PTPRD: variants seen among roughly 807,000 people sequenced by gnomAD.
PTPRD encodes protein tyrosine phosphatase receptor type D, also known as receptor-type tyrosine-protein phosphatase delta.
In PTPRD, 34 loss-of-function variants were observed where a neutral mutation model predicts 214.5. The observed-to-expected ratio is 0.16, with a 90% CI of 0.12 to 0.21. The LOEUF (loss-of-function observed/expected upper bound fraction) is 0.21, where lower values mean the gene tolerates loss of function less well. Ranked by LOEUF, PTPRD falls within the 10% of genes least tolerant of loss-of-function variation. The probability of loss-of-function intolerance (pLI) is 1.00; values close to 1 mark genes in which losing one functional copy is unlikely to be tolerated. For missense variants in PTPRD, 2,545 were observed against 2,398.7 expected (o/e 1.06, Z -1.27); for synonymous variants, 1,128 against 845.7 (o/e 1.33, Z -5.79).
chr9:8,628,876 T>C lies in PTPRD; in HGVS notation c.352+4441A>G, dbSNP rs117918512. 3.9e-3 allele frequency among the ~76,000 whole-genome samples: 592 copies of C among 151,914 alleles called. 29 individuals carry two copies. The East Asian group carries it at 0.1, about 26-fold the overall frequency. On this transcript the variant is annotated intron_variant, in intron 14 of 45. Transcript: ENST00000381196. ...ATGCCTCATATCTGGTAAACTAGCA[T>C]GTTTAGACAATAATTGTACTGTAGA...
chr9:8,793,669 C>G (rs1255433956), intron 11 of PTPRD, among the ~76,000 whole-genome samples: 1 of 151,998 alleles, frequency 6.6e-6, no homozygotes, highest in Admixed American at 6.6e-5. Context: ...AGAGGTTTGC[C>G]AAATAACCAT....
intron 9 of PTPRD, among the ~76,000 whole-genome samples, chr9:9,319,628 T>C (rs1426623515): frequency 6.6e-6 from 1 of 152,194 alleles, no homozygotes; most frequent in East Asian, 1.9e-4. Flanking sequence ...ACCAAGTGTA[T>C]AGTAGAATCT....
At chr9:8,950,390 A>G (rs1440257080) in intron 11 of PTPRD, among the ~76,000 whole-genome samples, 2 of 152,066 alleles carry the variant, frequency 1.3e-5, no homozygotes, top group Admixed American at 6.6e-5. Context: ...TTAGGAACAT[A>G]TGGAGAAGGG....
At chr9:9,694,834 A>C (rs372915892) in intron 7 of PTPRD, among the ~76,000 whole-genome samples, 1 of 152,030 alleles carries the variant, frequency 6.6e-6, no homozygotes, top group Admixed American at 6.5e-5. Flanking sequence ...GAACGCTACC[A>C]GGCCTAGGAC....
chr9:8,459,467 G>A (rs1302911338), intron 33 of PTPRD, among the ~76,000 whole-genome samples: 1 of 151,956 alleles, frequency 6.6e-6, no homozygotes, highest in East Asian at 1.9e-4. Context: ...TTTGAATTTA[G>A]TCATTTTAAA....
At chr9:10,445,397 T>C (rs1032796967) in intron 2 of PTPRD, among the ~76,000 whole-genome samples, 3 of 152,072 alleles carry the variant, frequency 2.0e-5, no homozygotes, top group Admixed American at 6.6e-5. Flanking sequence ...AATGAGGACA[T>C]GTCTGCAATA....
chr9:8,710,995 G>A lies in PTPRD; in HGVS notation c.64+22785C>T, dbSNP rs558218252. Reference sequence around the variant, plus strand: ...TGGGAAATTAATTTAAACTCCATGTGTTCTTATGTAATTAATGCTAGATGT... The same window carrying A: ...TGGGAAATTAATTTAAACTCCATGTATTCTTATGTAATTAATGCTAGATGT... On this transcript the variant is annotated intron_variant, in intron 12 of 45. Coordinates refer to ENST00000381196, the MANE Select transcript of PTPRD (RefSeq NM_002839.4). 3.9e-5 allele frequency among the ~76,000 whole-genome samples: 6 copies of A among 152,102 alleles called. 1 individual carries two copies. The South Asian group carries it at 1.0e-3, about 26-fold the overall frequency.
intron 3 of PTPRD, among the ~76,000 whole-genome samples, chr9:10,258,786 A>C (rs1373314613): frequency 6.6e-6 from 1 of 152,144 alleles, no homozygotes; most frequent in African/African-American, 2.4e-5. Context: ...CCTAAGGAAA[A>C]ACAAGTGGTT....
intron 2 of PTPRD, among the ~76,000 whole-genome samples, chr9:10,589,490 G>T (rs147924749): frequency 1.6e-4 from 25 of 152,156 alleles, no homozygotes; most frequent in African/African-American, 5.1e-4. Flanking sequence ...TTCAATAAAT[G>T]ACTAAGACAT....
chr9:8,783,234 G>T (rs2095808123), intron 11 of PTPRD, among the ~76,000 whole-genome samples: 1 of 152,134 alleles, frequency 6.6e-6, no homozygotes, highest in African/African-American at 2.4e-5. Context: ...ATATAAAAAA[G>T]TTGTACATTG....
intron 14 of PTPRD, among the ~76,000 whole-genome samples, chr9:8,540,909 G>A (rs1350544759): frequency 6.6e-6 from 1 of 152,106 alleles, no homozygotes; most frequent in Non-Finnish European, 1.5e-5. Flanking sequence ...AGTTTTAAAG[G>A]CAAACTGTGG....
intron 35 of PTPRD, among the ~76,000 whole-genome samples, chr9:8,421,040 C>T (rs1008599115): frequency 1.3e-5 from 2 of 152,062 alleles, no homozygotes; most frequent in African/African-American, 4.8e-5. Flanking sequence ...GAGGACCATG[C>T]CCATAAAGTT....
intron 2 of PTPRD, among the ~76,000 whole-genome samples, chr9:10,527,661 A>C (rs2054719027): frequency 6.6e-6 from 1 of 152,176 alleles, no homozygotes; most frequent in Non-Finnish European, 1.5e-5. Context: ...AATTCAATCA[A>C]CTTTAAGGAC....
At chr9:9,077,173 A>G (rs1365097016) in intron 10 of PTPRD, among the ~76,000 whole-genome samples, 3 of 138,518 alleles carry the variant, frequency 2.2e-5, no homozygotes, top group Admixed American at 7.4e-5. Flanking sequence ...TTTTTTCTGT[A>G]GAGTTGGTTG....
At chr9:9,486,066 G>C (rs908909967) in intron 8 of PTPRD, among the ~76,000 whole-genome samples, 12 of 140,416 alleles carry the variant, frequency 8.5e-5, no homozygotes, top group African/African-American at 2.1e-4. Flanking sequence ...CAGGAGAATA[G>C]CTTGAATCCA....
intron 11 of PTPRD, among the ~76,000 whole-genome samples, chr9:8,971,491 C>G (rs1330175751): frequency 6.6e-6 from 1 of 151,554 alleles, no homozygotes; most frequent in African/African-American, 2.4e-5. Flanking sequence ...ACAGTTATGC[C>G]TAATTCACAA....
chr9:8,743,883 A>G (rs1182882051), intron 11 of PTPRD, among the ~76,000 whole-genome samples: 1 of 151,578 alleles, frequency 6.6e-6, no homozygotes, highest in Non-Finnish European at 1.5e-5. Context: ...TTCAAAATCC[A>G]TACATCGACA....
intron 2 of PTPRD, among the ~76,000 whole-genome samples, chr9:10,552,832 C>T (rs1489134289): frequency 2.0e-5 from 3 of 152,158 alleles, no homozygotes; most frequent in Admixed American, 6.5e-5. Flanking sequence ...CAGGTTGAGG[C>T]ATTCCTATCT....
intron 11 of PTPRD, among the ~76,000 whole-genome samples, chr9:8,864,446 A>G (rs2098161035): frequency 6.6e-6 from 1 of 152,210 alleles, no homozygotes; most frequent in East Asian, 1.9e-4. Flanking sequence ...GAAATAAACG[A>G]GAGTAAAACA....
Sources: allele counts gnomAD v4.1 joint callset (sites outside exome capture counted in the v4.1 genomes callset), GRCh38; gene constraint gnomAD v4.1.1; transcripts MANE v1.5; gene names NCBI Gene and HGNC (gene_info 2026-07-23, HGNC 2026-07-21).